Variants in CDKL3 observed in about 807,000 individuals in gnomAD.
CDKL3 encodes cyclin-dependent kinase-like 3.
CDKL3 carries 65 observed loss-of-function variants against 69.3 expected under a neutral mutation model. The ratio of observed to expected loss-of-function variants is 0.94; its 90% CI spans 0.77 to 1.15. The LOEUF is 1.15. CDKL3 is among the 50% of genes most tolerant of loss of function. The pLI is 0.00. For synonymous variants in CDKL3, 202 were observed against 221.6 expected (o/e 0.91, Z 0.79); for missense variants, 652 against 689.2 (o/e 0.95, Z 0.61).
At chr5:134,329,334 T>C (rs1775169058) in intron 4 of CDKL3, among the ~76,000 whole-genome samples, 1 of 151,834 alleles carries the variant, frequency 6.6e-6, no homozygotes, top group Admixed American at 6.6e-5. Context: ...TGAGATCCTG[T>C]CTCAAAAAAA....
chr5:134,348,762 A>G (rs1752542391), intron 4 of CDKL3, among the ~76,000 whole-genome samples: 1 of 151,950 alleles, frequency 6.6e-6, no homozygotes, highest in Non-Finnish European at 1.5e-5. Flanking sequence ...TGCAGGCTAC[A>G]TTATGTCCAG....
chr5:134,321,924 A>C, intron 4 of CDKL3, 21 bp from the exon 5 acceptor site: 1 of 1,337,438 alleles, frequency 7.5e-7, no homozygotes, highest in Non-Finnish European at 1.1e-6. Context: ...TCAGGGAAAA[A>C]AAAATCACTT....
downstream of CDKL3, among the ~76,000 whole-genome samples, chr5:134,284,434 G>A (rs970090604): frequency 8.5e-5 from 13 of 152,318 alleles, no homozygotes; most frequent in African/African-American, 2.2e-4. Context: ...CAAGGGCAGA[G>A]AGGCAGAGCA....
At chr5:134,290,854 A>C (rs1432626263) in intron 8 of CDKL3, among the ~76,000 whole-genome samples, 1 of 152,088 alleles carries the variant, frequency 6.6e-6, no homozygotes, top group Non-Finnish European at 1.5e-5. Context: ...AGTTTTATTA[A>C]GAACACCCAG....
intron 4 of CDKL3, among the ~76,000 whole-genome samples, chr5:134,324,739 A>G (rs1773684234): frequency 6.6e-6 from 1 of 152,224 alleles, no homozygotes; most frequent in Non-Finnish European, 1.5e-5. Flanking sequence ...TTTTAGGACC[A>G]TAAAATTATT....
At chr5:134,329,610 C>T (rs1775266980) in intron 4 of CDKL3, among the ~76,000 whole-genome samples, 2 of 150,470 alleles carry the variant, frequency 1.3e-5, no homozygotes, top group South Asian at 2.1e-4. Context: ...GCTGGGATTA[C>T]AGGCACCCGC....
intron 6 of CDKL3, among the ~76,000 whole-genome samples, chr5:134,316,087 G>C (rs923438225): frequency 6.6e-5 from 10 of 152,084 alleles, no homozygotes; most frequent in African/African-American, 2.4e-4. Context: ...AAGTAGCAGG[G>C]GACTATAGGC....
chr5:134,307,621 C>T (rs973839752), intron 9 of CDKL3, among the ~76,000 whole-genome samples: 1 of 152,204 alleles, frequency 6.6e-6, no homozygotes, highest in Non-Finnish European at 1.5e-5. Context: ...ATCACACTGC[C>T]CTTGATTAAC....
At chr5:134,346,872 CATA>C (rs1275842671) in intron 4 of CDKL3, among the ~76,000 whole-genome samples, 1 of 152,136 alleles carries the variant, frequency 6.6e-6, no homozygotes, top group Non-Finnish European at 1.5e-5. Context: ...TCCATGAGTT[CATA>C]ATGATATTTC....
intron 3 of CDKL3, among the ~76,000 whole-genome samples, chr5:134,351,982 T>G (rs1236552713): frequency 1.3e-5 from 2 of 152,114 alleles, no homozygotes; most frequent in Non-Finnish European, 1.5e-5. Flanking sequence ...GTATAATAGA[T>G]CTCTTGAACT....
At chr5:134,285,367 C>T (rs1278727966), downstream of CDKL3, among the ~76,000 whole-genome samples, 2 of 152,206 alleles carry the variant, frequency 1.3e-5, no homozygotes, top group African/African-American at 2.4e-5. Flanking sequence ...TCCCAAACCC[C>T]AATTCTTGAC....
At chr5:134,344,750 CCT>C (rs1239632943) in intron 4 of CDKL3, among the ~76,000 whole-genome samples, 3 of 152,042 alleles carry the variant, frequency 2.0e-5, no homozygotes, top group Non-Finnish European at 4.4e-5. Flanking sequence ...ATAGCGAGAC[CCT>C]GTCTCTACAA....
At chr5:134,329,002 T>C (rs1299611459) in intron 4 of CDKL3, among the ~76,000 whole-genome samples, 1 of 152,128 alleles carries the variant, frequency 6.6e-6, no homozygotes, top group East Asian at 1.9e-4. Flanking sequence ...AAATACTGAA[T>C]GAAGTTCTTA....
chr5:134,366,241 T>C, intron 2 of CDKL3, 118 bp downstream of exon 2: 1 of 682,282 alleles, frequency 1.5e-6, no homozygotes, highest in South Asian at 2.1e-5. Context: ...AGATAGAGTA[T>C]TACACTTGTT....
At chr5:134,304,667 TA>T (rs2149430215) in intron 10 of CDKL3, 100 bp from the exon 11 acceptor site, 1 of 796,548 alleles carries the variant, frequency 1.3e-6, no homozygotes, top group South Asian at 2.4e-5. Flanking sequence ...AAGATAGACA[TA>T]ACAATTAATT....
intron 4 of CDKL3, among the ~76,000 whole-genome samples, chr5:134,334,836 G>A (rs531135494): frequency 6.6e-6 from 1 of 152,268 alleles, no homozygotes; most frequent in South Asian, 2.1e-4. Flanking sequence ...GGTCCGCTTG[G>A]TCCAGAGCTG....
chr5:134,290,946 C>T (rs1314005446), intron 8 of CDKL3, among the ~76,000 whole-genome samples: 2 of 152,104 alleles, frequency 1.3e-5, no homozygotes, highest in Non-Finnish European at 2.9e-5. Flanking sequence ...AGTTAGGAGA[C>T]TTCTACAAAA....
rs552215447 is a variant in CDKL3 at position 134,320,703 on chromosome 5, G to A, written c.652+1088C>T. Reference sequence around the variant, plus strand: ...ATCCTGGCTAACACAGTGAAACCCCGTCTCTGCTAAAAATACAAAAAAAAG... The same window carrying A: ...ATCCTGGCTAACACAGTGAAACCCCATCTCTGCTAAAAATACAAAAAAAAG... On this transcript the variant is annotated intron_variant, in intron 5 of 12. Transcript: ENST00000265334. Among the ~76,000 whole-genome samples the A allele has an allele frequency of 3.9e-4, 59 of 151,632 alleles. No homozygotes were observed. In the South Asian group the frequency reaches 4.4e-3, roughly 11 times the overall value.
At chr5:134,347,272 AC>A (rs1437852434) in intron 4 of CDKL3, among the ~76,000 whole-genome samples, 2 of 152,052 alleles carry the variant, frequency 1.3e-5, no homozygotes, top group African/African-American at 4.8e-5. Flanking sequence ...AGACATGGAG[AC>A]ACTGAAACTC....
Sources: allele counts gnomAD v4.1 joint callset (sites outside exome capture counted in the v4.1 genomes callset), GRCh38; gene constraint gnomAD v4.1.1; transcripts MANE v1.5; gene names NCBI Gene and HGNC (gene_info 2026-07-23, HGNC 2026-07-21).